The following SLC23A2 variants were observed in gnomAD, a reference collection of about 807,000 sequenced individuals.
The protein encoded by SLC23A2 is solute carrier family 23 member 2.
A neutral mutation model predicts 73.3 loss-of-function variants in SLC23A2; 36 were observed. That is an observed-to-expected ratio of 0.49 (90% CI 0.38 to 0.65). The LOEUF (loss-of-function observed/expected upper bound fraction) is 0.65, where lower values mean the gene tolerates loss of function less well. Ranked by LOEUF, SLC23A2 falls within the 30% of genes least tolerant of loss-of-function variation. The pLI, the probability that SLC23A2 is intolerant of heterozygous loss-of-function variation, is 0.00. For synonymous variants in SLC23A2, 343 were observed against 327.3 expected (o/e 1.05, Z -0.52); for missense variants, 507 against 841.6 (o/e 0.60, Z 4.92).
At chr20:4,909,326 A>G (rs749622079) in intron 4 of SLC23A2, among the ~76,000 whole-genome samples, 1 of 152,222 alleles carries the variant, frequency 6.6e-6, no homozygotes, top group Non-Finnish European at 1.5e-5. Flanking sequence ...AGATATTGGA[A>G]CATTGCAGAT....
intron 2 of SLC23A2, among the ~76,000 whole-genome samples, chr20:4,948,797 T>C (rs1158522305): frequency 6.6e-6 from 1 of 152,244 alleles, no homozygotes; most frequent in Admixed American, 6.5e-5. Flanking sequence ...TCACTTAGAA[T>C]TGTATGCTAC....
Position 4,883,855 on chromosome 20 carries a change from G to A in SLC23A2, c.643-32C>T. On this transcript the variant is annotated intron_variant, in intron 8 of 16. Transcript: ENST00000338244. This position sits in a 1 kb window ranked among gnomAD's most constrained non-coding sequence, Gnocchi z 4.5. ...CAAGAGATGGCACAGACATGAGAGT[G>A]AGCTGCTTGTACACTGCACACTCAG... 6.5e-7 allele frequency: 1 copy of A among 1,534,640 alleles called. No individual in the cohort carries two copies. Among genetic ancestry groups the A allele is most frequent in the Admixed American group, 1.8e-5 (1 of 56,218 alleles).
intron 2 of SLC23A2, among the ~76,000 whole-genome samples, chr20:4,942,955 G>A (rs1170037020): frequency 6.6e-6 from 1 of 152,000 alleles, no homozygotes. Context: ...GCTGGGCACA[G>A]TGACTCCCAA....
chr20:4,953,231 G>A (rs906993478), intron 2 of SLC23A2, among the ~76,000 whole-genome samples: 2 of 151,984 alleles, frequency 1.3e-5, no homozygotes, highest in African/African-American at 4.8e-5. Context: ...ACTTGAACCC[G>A]GGAGATGGAG....
At chr20:4,943,885 G>T (rs1342580739) in intron 2 of SLC23A2, among the ~76,000 whole-genome samples, 1 of 152,122 alleles carries the variant, frequency 6.6e-6, no homozygotes, top group African/African-American at 2.4e-5. Context: ...CAGCACAAGG[G>T]AGCTGCACAG....
intron 2 of SLC23A2, among the ~76,000 whole-genome samples, chr20:4,954,292 A>G (rs2087248370): frequency 6.6e-6 from 1 of 152,202 alleles, no homozygotes; most frequent in Non-Finnish European, 1.5e-5. Flanking sequence ...AATATAATAG[A>G]TATCAAACTT....
At position 4,998,583 on chromosome 20, in the gene SLC23A2, T is replaced by C. The variant is rs954152154; in HGVS notation, c.-282+2823A>G. ...CAAGCCCAGAGAACAACTGGAGGAA[T>C]AGCAGGGCATGAAAATGAATTAATG... On this transcript the variant is annotated intron_variant, in intron 1 of 16. Transcript: ENST00000338244. This position sits in a 1 kb window ranked among gnomAD's most constrained non-coding sequence, Gnocchi z 4.1. 2.1e-5 allele frequency among the ~76,000 whole-genome samples: 3 copies of C among 146,270 alleles called. No individual in the cohort carries two copies. Among genetic ancestry groups the C allele is most frequent in the African/African-American group, 2.5e-5 (1 of 40,760 alleles).
chr20:4,984,980 T>A (rs1266292310), intron 1 of SLC23A2, among the ~76,000 whole-genome samples: 1 of 151,904 alleles, frequency 6.6e-6, no homozygotes, highest in African/African-American at 2.4e-5. Flanking sequence ...CTACTAAAAA[T>A]ACAAAAATTA....
chr20:4,889,753 T>C (rs938871666), intron 6 of SLC23A2, among the ~76,000 whole-genome samples: 10 of 151,998 alleles, frequency 6.6e-5, no homozygotes, highest in African/African-American at 2.2e-4. Flanking sequence ...TGGACTGGCT[T>C]CACCCACCAT....
chr20:4,934,631 G>A (rs1600147847), intron 2 of SLC23A2, among the ~76,000 whole-genome samples: 1 of 152,274 alleles, frequency 6.6e-6, no homozygotes, highest in East Asian at 1.9e-4. Flanking sequence ...AGAGGCTGAG[G>A]TGGGTGGATC....
intron 4 of SLC23A2, among the ~76,000 whole-genome samples, chr20:4,909,358 G>A (rs1041628268): frequency 2.0e-5 from 3 of 152,068 alleles, no homozygotes; most frequent in South Asian, 2.1e-4. Flanking sequence ...GTTTTAGGAC[G>A]GTTACTCTAC....
chr20:4,958,371 G>A lies in SLC23A2; in HGVS notation c.-155+12422C>T, dbSNP rs559882171. On this transcript the variant is annotated intron_variant, in intron 2 of 16. Transcript: ENST00000338244. The stretch of plus-strand genomic sequence containing the variant: ...TCTTATTTAAAGCCTAGAGGGGAGG[G>A]GGAGAAATCACACCAGTAGGTGGAT... Among the ~76,000 whole-genome samples, 9 of 152,276 alleles carry A rather than the reference G, an allele frequency of 5.9e-5. No homozygotes were observed. In the South Asian group the frequency reaches 8.3e-4, roughly 14 times the overall value.
chr20:4,970,638 G>C (rs1380657627), intron 2 of SLC23A2, among the ~76,000 whole-genome samples, 155 bp downstream of exon 2: 1 of 152,192 alleles, frequency 6.6e-6, no homozygotes, highest in African/African-American at 2.4e-5. Flanking sequence ...TTGGGAAGCT[G>C]AGGTAGAAGG....
chr20:4,899,916 G>A lies in SLC23A2; in HGVS notation c.325-204C>T, dbSNP rs1022299581. ...AGACAGTTTCACTCCCATTGCCCTC[G>A]ACGGAGTGCAATGGTGCGATCTTGG... On this transcript the variant is annotated intron_variant, in intron 5 of 16. Coordinates refer to ENST00000338244, the MANE Select transcript of SLC23A2 (RefSeq NM_005116.6). The surrounding 1 kb of genome is among the most constrained non-coding windows in gnomAD (Gnocchi z 4.9). 6.6e-6 allele frequency among the ~76,000 whole-genome samples: 1 copy of A among 151,912 alleles called. No individual in the cohort carries two copies. The highest frequency in any genetic ancestry group is 1.5e-5 in the Non-Finnish European group (1 of 68,012).
At chr20:4,910,828 C>T (rs192019837) in intron 4 of SLC23A2, among the ~76,000 whole-genome samples, 28 of 152,282 alleles carry the variant, frequency 1.8e-4, no homozygotes, top group African/African-American at 6.7e-4. Flanking sequence ...TAAGATACTC[C>T]ATTTCATTGG....
rs147296499 is a variant in SLC23A2 at position 4,971,264 on chromosome 20, C to T, written c.-281-345G>A. 1.4e-3 allele frequency among the ~76,000 whole-genome samples: 208 copies of T among 151,214 alleles called. 3 individuals carry two copies. Among genetic ancestry groups the T allele is most frequent in the African/African-American group, 4.7e-3 (194 of 41,220 alleles). On this transcript the variant is annotated intron_variant, in intron 1 of 16. Coordinates refer to ENST00000338244, the MANE Select transcript of SLC23A2 (RefSeq NM_005116.6). ...GGCAGGTCACTTAAGCCCAGGAGTT[C>T]GAGACCAGCCTGAGCAATAGGGTGG...
At chr20:4,920,085 A>AC (rs1324061788) in intron 3 of SLC23A2, among the ~76,000 whole-genome samples, 1 of 152,140 alleles carries the variant, frequency 6.6e-6, no homozygotes, top group South Asian at 2.1e-4. Flanking sequence ...ACATGGTGAA[A>AC]CCCCATCTCC....
Position 4,863,587 on chromosome 20 carries a change from G to C in SLC23A2, c.1357-680C>G, listed in dbSNP as rs1352679828. 6.6e-6 allele frequency among the ~76,000 whole-genome samples: 1 copy of C among 152,226 alleles called. No homozygotes were observed. Among genetic ancestry groups the C allele is most frequent in the Non-Finnish European group, 1.5e-5 (1 of 68,034 alleles). On this transcript the variant is annotated intron_variant, in intron 13 of 16. Transcript: ENST00000338244. This position sits in a 1 kb window ranked among gnomAD's most constrained non-coding sequence, Gnocchi z 4.8. ...ATCTGAGAGCCGCCCACATGGGCCT[G>C]CTGCCACTGGCCTTTCCTGCACCCA...
upstream of SLC23A2, among the ~76,000 whole-genome samples, chr20:5,005,717 G>A (rs888688122): frequency 1.3e-5 from 2 of 152,182 alleles, no homozygotes; most frequent in Admixed American, 6.5e-5. Flanking sequence ...GCCAGGCGCC[G>A]TGGCTCACGC....
Sources: gnomAD v4.1 joint callset for allele counts (sites outside exome capture counted in the v4.1 genomes callset) on GRCh38, gnomAD v4.1.1 for gene constraint, Gnocchi (gnomAD v3.1) non-coding constraint, MANE v1.5 for transcripts, NCBI Gene and HGNC (gene_info 2026-07-23, HGNC 2026-07-21) for gene names.